Variants in PDE9A observed in about 807,000 individuals in gnomAD.
The protein encoded by PDE9A is phosphodiesterase 9A.
A neutral mutation model predicts 87.4 loss-of-function variants in PDE9A; 60 were observed. The observed-to-expected ratio is 0.69, with a 90% confidence interval of 0.56 to 0.85. The LOEUF (loss-of-function observed/expected upper bound fraction) is 0.85. Ranked by LOEUF, PDE9A falls within the 40% of genes least tolerant of loss-of-function variation. The pLI, the probability that PDE9A is intolerant of heterozygous loss-of-function variation, is 0.00. For missense variants in PDE9A, 665 were observed against 779.0 expected (o/e 0.85, Z 1.74); for synonymous variants, 272 against 279.4 (o/e 0.97, Z 0.27).
chr21:42,721,964 C>A (rs1156638416), intron 4 of PDE9A, among the ~76,000 whole-genome samples: 1 of 143,780 alleles, frequency 7.0e-6, no homozygotes, highest in African/African-American at 2.6e-5. Flanking sequence ...GAAAGGATAG[C>A]AGAGGTATTT....
intron 1 of PDE9A, among the ~76,000 whole-genome samples, chr21:42,673,779 G>A (rs2058688667): frequency 1.3e-5 from 2 of 152,162 alleles, no homozygotes; most frequent in Admixed American, 6.5e-5. Flanking sequence ...GCTGTGTGAG[G>A]AGGGTCCTGC....
At chr21:42,711,106 G>A (rs1164454535) in intron 4 of PDE9A, among the ~76,000 whole-genome samples, 1 of 152,104 alleles carries the variant, frequency 6.6e-6, no homozygotes, top group African/African-American at 2.4e-5. Flanking sequence ...AGATATATGT[G>A]GCAAACATTT....
At chr21:42,772,075 G>A (rs2057069275) in intron 18 of PDE9A, among the ~76,000 whole-genome samples, 1 of 151,288 alleles carries the variant, frequency 6.6e-6, no homozygotes, top group Admixed American at 6.6e-5. Flanking sequence ...GGATAGTAGG[G>A]TTCCTTAAGG....
At chr21:42,743,732 T>G (rs1186120305) in intron 7 of PDE9A, 44 bp from the exon 8 acceptor site, 1 of 1,272,066 alleles carries the variant, frequency 7.9e-7, no homozygotes, top group Admixed American at 1.9e-5. Context: ...ATCCTCCACA[T>G]TCGTCCGTGG....
rs956874339 is a variant in PDE9A, at chr21:42,692,209, C to A, written c.218+4215C>A. 2.6e-5 allele frequency among the ~76,000 whole-genome samples: 4 copies of A among 152,202 alleles called. No individual in the cohort carries two copies. Among genetic ancestry groups the A allele is most frequent in the African/African-American group, 9.7e-5 (4 of 41,440 alleles). On this transcript the variant is annotated intron_variant, in intron 3 of 19. Coordinates refer to ENST00000291539, the MANE Select transcript of PDE9A (RefSeq NM_002606.3). The surrounding 1 kb of genome is among the most constrained non-coding windows in gnomAD (Gnocchi z 4.3). ...TGAGTTGGGGACGGAGTGAACCAGT[C>A]CAGCTCGTGCGTGCCTCCCCCTCTG...
At chr21:42,666,816 G>A (rs554763798) in intron 1 of PDE9A, among the ~76,000 whole-genome samples, 2 of 152,212 alleles carry the variant, frequency 1.3e-5, no homozygotes, top group South Asian at 2.1e-4. Flanking sequence ...CATAGCACCC[G>A]CTTTGGGAAG....
At chr21:42,682,712 G>A (rs1409896005) in intron 1 of PDE9A, among the ~76,000 whole-genome samples, 1 of 152,206 alleles carries the variant, frequency 6.6e-6, no homozygotes, top group African/African-American at 2.4e-5. Context: ...CTGTGACCCT[G>A]AGAGCCCCTA....
intron 4 of PDE9A, among the ~76,000 whole-genome samples, chr21:42,715,523 A>AG (rs2049825459): frequency 6.6e-6 from 1 of 151,450 alleles, no homozygotes; most frequent in African/African-American, 2.4e-5. Flanking sequence ...ACTACTTGGC[A>AG]GGGGAATCGC....
intron 1 of PDE9A, among the ~76,000 whole-genome samples, chr21:42,658,849 G>C (rs1220815768): frequency 6.6e-6 from 1 of 152,214 alleles, no homozygotes; most frequent in African/African-American, 2.4e-5. Flanking sequence ...TGAAGGAAGG[G>C]GGTCAGTCAC....
At chr21:42,693,385 G>A (rs1346997494) in intron 3 of PDE9A, among the ~76,000 whole-genome samples, 4 of 149,642 alleles carry the variant, frequency 2.7e-5, no homozygotes, top group Non-Finnish European at 5.9e-5. Context: ...TGCAAGCTCT[G>A]CCTTCCGGGT....
chr21:42,706,326 A>G (rs1202235511), intron 4 of PDE9A, among the ~76,000 whole-genome samples: 1 of 152,212 alleles, frequency 6.6e-6, no homozygotes, highest in South Asian at 2.1e-4. Context: ...TGTCATTGAT[A>G]TAACATAAAG....
Position 42,653,783 on chromosome 21 carries a change from T to G in PDE9A, c.-32T>G, listed in dbSNP as rs1601827327. 7.2e-7 allele frequency: 1 copy of G among 1,380,154 alleles called. No homozygotes were observed. The allele number at this position is 1,380,154 out of a possible 1,614,324, so 85.5% of individuals were successfully genotyped here. A position where few individuals can be genotyped will look rare whatever the true frequency, so the allele number is the denominator to read the frequency against. On this transcript the variant is annotated 5_prime_UTR_variant, in exon 1 of 20. Coordinates refer to ENST00000291539, the MANE Select transcript of PDE9A (RefSeq NM_002606.3). Reference sequence around the variant, plus strand: ...GGCGGCTGGCGTCGGGAAAGTACAGTAAAAAGTCCGAGTGCAGCCGCCGGG... The same window carrying G: ...GGCGGCTGGCGTCGGGAAAGTACAGGAAAAAGTCCGAGTGCAGCCGCCGGG...
At chr21:42,752,891 G>T (rs912599235) in intron 9 of PDE9A, among the ~76,000 whole-genome samples, 2 of 152,206 alleles carry the variant, frequency 1.3e-5, no homozygotes, top group Non-Finnish European at 2.9e-5. Context: ...TGCTCTTCTA[G>T]CTCTCGGCAG....
chr21:42,771,333 T>C (rs1396269739), intron 18 of PDE9A, among the ~76,000 whole-genome samples: 2 of 152,216 alleles, frequency 1.3e-5, no homozygotes, highest in Non-Finnish European at 1.5e-5. Context: ...GATATCATTT[T>C]GGAGGAAGGG....
chr21:42,699,567 T>TA (rs10711885), intron 4 of PDE9A, among the ~76,000 whole-genome samples: 4 of 147,810 alleles, frequency 2.7e-5, no homozygotes, highest in African/African-American at 1.0e-4. Flanking sequence ...TTTTTTTTTT[T>TA]AAAAAAAAAC....
At chr21:42,719,651 A>T (rs963219889) in intron 4 of PDE9A, among the ~76,000 whole-genome samples, 1 of 146,862 alleles carries the variant, frequency 6.8e-6, no homozygotes, top group African/African-American at 2.4e-5. Flanking sequence ...AAAAAAAAAA[A>T]AAAAAAAAAA....
intron 4 of PDE9A, among the ~76,000 whole-genome samples, chr21:42,710,342 G>A (rs1294587610): frequency 6.6e-6 from 1 of 151,130 alleles, no homozygotes; most frequent in Non-Finnish European, 1.5e-5. Context: ...CTGGGAGGAG[G>A]AGGTTGCAGT....
chr21:42,689,377 GT>G (rs2059662379), intron 3 of PDE9A: 1 of 201,694 alleles, frequency 5.0e-6, no homozygotes, highest in Non-Finnish European at 8.8e-6. Context: ...TCCCCGGAAG[GT>G]GCAGTGCTAA....
intron 3 of PDE9A, among the ~76,000 whole-genome samples, chr21:42,693,305 T>A (rs2059959624): frequency 6.6e-6 from 1 of 151,674 alleles, no homozygotes; most frequent in South Asian, 2.1e-4. Flanking sequence ...GAATCTTTTT[T>A]TTTTTTTTTT....
Sources: allele counts gnomAD v4.1 joint callset (sites outside exome capture counted in the v4.1 genomes callset), GRCh38; gene constraint gnomAD v4.1.1; non-coding constraint Gnocchi (gnomAD v3.1); transcripts MANE v1.5; gene names NCBI Gene and HGNC (gene_info 2026-07-23, HGNC 2026-07-21).